Variants in CPQ observed in about 807,000 individuals in gnomAD.
CPQ encodes the protein Ser-Met dipeptidase.
Under a neutral mutation model 45.7 loss-of-function variants are expected in CPQ, and 37 were observed. That is an observed-to-expected ratio of 0.81 (90% CI 0.62 to 1.07). CPQ has a LOEUF of 1.07. CPQ is among the 50% of genes least tolerant of loss of function. CPQ has a pLI of 0.00. For missense variants in CPQ, 537 were observed against 572.9 expected (o/e 0.94, Z 0.64); for synonymous variants, 186 against 205.8 (o/e 0.90, Z 0.82).
Position 96,652,515 on chromosome 8 carries a change from A to T in CPQ, c.-35+7113A>T, listed in dbSNP as rs574848927. On this transcript the variant is annotated intron_variant, in intron 1 of 7. Coordinates refer to ENST00000220763, the MANE Select transcript of CPQ (RefSeq NM_016134.4). ...AGAAGTGGGATTGGTGGATCATATG[A>T]TAGTTCTATCTTTAGTTTTTTTGAG... Among the ~76,000 whole-genome samples the T allele has an allele frequency of 2.0e-5, 3 of 152,298 alleles. 1 individual carries two copies. The highest frequency in any genetic ancestry group is 4.8e-5 in the African/African-American group (2 of 41,566).
intron 5 of CPQ, among the ~76,000 whole-genome samples, chr8:96,989,865 A>C (rs890814623): frequency 1.3e-5 from 2 of 152,122 alleles, no homozygotes; most frequent in Non-Finnish European, 2.9e-5. Context: ...ATGATTGTTC[A>C]TGTGAATAAA....
At chr8:97,076,663 T>C (rs1467680813) in intron 7 of CPQ, among the ~76,000 whole-genome samples, 1 of 152,204 alleles carries the variant, frequency 6.6e-6, no homozygotes, top group Non-Finnish European at 1.5e-5. Flanking sequence ...TCCTGTGGAT[T>C]GAGTTAAATC....
At chr8:97,033,915 A>G (rs1471010922) in intron 6 of CPQ, among the ~76,000 whole-genome samples, 1 of 152,166 alleles carries the variant, frequency 6.6e-6, no homozygotes, top group Non-Finnish European at 1.5e-5. Context: ...TATATGCAGA[A>G]AATATAAAAT....
intron 4 of CPQ, among the ~76,000 whole-genome samples, chr8:96,902,707 C>T (rs1812528999): frequency 6.6e-6 from 1 of 152,178 alleles, no homozygotes; most frequent in Non-Finnish European, 1.5e-5. Context: ...CTTCTTGCCA[C>T]TTCAGGACTT....
In CPQ at chr8:96,854,555, A is replaced by AAAAC. The variant is rs1554573241; in HGVS notation, c.641+19378_641+19379insCAAA. ...CAAAAAAAAAAAAAAAAAAAAAAAAAAAAATGTGGTGGAACTAAAAGCCCA... is the reference window on the plus strand; with the variant it reads ...CAAAAAAAAAAAAAAAAAAAAAAAAAAAACAAAATGTGGTGGAACTAAAAGCCCA... On this transcript the variant is annotated intron_variant, in intron 3 of 7. Transcript: ENST00000220763. Among the ~76,000 whole-genome samples the AAAAC allele has an allele frequency of 5.1e-4, 29 of 56,474 alleles. 7 individuals are homozygous for AAAAC. The highest frequency in any genetic ancestry group is 0.012 in the Middle Eastern group (1 of 82). 37.0% of individuals were successfully genotyped at this position (56,474 alleles called of 152,430 possible).
intron 4 of CPQ, among the ~76,000 whole-genome samples, chr8:96,933,746 C>G (rs536286424): frequency 9.2e-5 from 14 of 152,172 alleles, no homozygotes; most frequent in African/African-American, 3.4e-4. Context: ...CTTTAAGTTT[C>G]CTGCTGCTTG....
At chr8:97,062,039 T>G (rs1384137814) in intron 6 of CPQ, among the ~76,000 whole-genome samples, 1 of 152,172 alleles carries the variant, frequency 6.6e-6, no homozygotes, top group Non-Finnish European at 1.5e-5. Context: ...CTATTCTCTA[T>G]GTTCCTGTCA....
At chr8:96,984,324 T>C (rs1813964829) in intron 5 of CPQ, among the ~76,000 whole-genome samples, 1 of 152,154 alleles carries the variant, frequency 6.6e-6, no homozygotes, top group Non-Finnish European at 1.5e-5. Flanking sequence ...AAGTTTCCTA[T>C]GTTGGAAATG....
chr8:97,119,136 C>T (rs1187434117), intron 7 of CPQ, among the ~76,000 whole-genome samples: 1 of 151,986 alleles, frequency 6.6e-6, no homozygotes, highest in Non-Finnish European at 1.5e-5. Flanking sequence ...AAAGACCAGC[C>T]TGGCCAACAT....
At chr8:96,817,343 A>T (rs1245657201) in intron 2 of CPQ, among the ~76,000 whole-genome samples, 7 of 152,174 alleles carry the variant, frequency 4.6e-5, no homozygotes, top group Admixed American at 3.9e-4. Context: ...TATGATAGTA[A>T]ATCAGAACTC....
Position 96,680,765 on chromosome 8 carries a change from G to A in CPQ, c.-35+35363G>A, listed in dbSNP as rs530597985. 6.6e-5 allele frequency among the ~76,000 whole-genome samples: 10 copies of A among 152,252 alleles called. No individual in the cohort carries two copies. In the South Asian group the frequency reaches 1.7e-3, roughly 25 times the overall value. The stretch of plus-strand genomic sequence containing the variant: ...AGAAGATAGGAAAGTGTGGGAAAGT[G>A]TGGAACTCCCTAGAGACTTGTTGAA... On this transcript the variant is annotated intron_variant, in intron 1 of 7. Transcript: ENST00000220763.
chr8:96,782,805 C>A (rs1810706319), intron 1 of CPQ, among the ~76,000 whole-genome samples: 1 of 152,170 alleles, frequency 6.6e-6, no homozygotes. Flanking sequence ...GAAATTTCTT[C>A]CATCAGATAT....
intron 4 of CPQ, among the ~76,000 whole-genome samples, chr8:96,904,228 CCT>C (rs35949593): frequency 0.72 from 108,855 of 151,886 alleles, 39,837 homozygotes; most frequent in African/African-American, 0.87. Context: ...CCCAACATTT[CCT>C]CTCCTCAGTT....
At chr8:96,709,796 G>C (rs1346180541) in intron 1 of CPQ, among the ~76,000 whole-genome samples, 1 of 152,126 alleles carries the variant, frequency 6.6e-6, no homozygotes, top group Non-Finnish European at 1.5e-5. Context: ...GTACTTTGTT[G>C]AGGATTTTTG....
intron 4 of CPQ, among the ~76,000 whole-genome samples, chr8:96,889,202 G>A (rs947481525): frequency 1.3e-5 from 2 of 152,152 alleles, no homozygotes; most frequent in Admixed American, 1.3e-4. Flanking sequence ...TTTTAGCAGT[G>A]GATTTTCATT....
chr8:96,750,194 GA>G, intron 1 of CPQ, among the ~76,000 whole-genome samples: 1 of 151,578 alleles, frequency 6.6e-6, no homozygotes, highest in African/African-American at 2.4e-5. Context: ...GTCAATGAGA[GA>G]TTTTTTTTAG....
intron 1 of CPQ, among the ~76,000 whole-genome samples, chr8:96,737,557 C>A (rs534029167): frequency 6.6e-6 from 1 of 151,842 alleles, no homozygotes; most frequent in African/African-American, 2.4e-5. Context: ...ACCTTTTTCA[C>A]GTTTTTCTGC....
chr8:96,880,179 C>G (rs1241154332), intron 4 of CPQ, among the ~76,000 whole-genome samples, 174 bp downstream of exon 4: 1 of 152,044 alleles, frequency 6.6e-6, no homozygotes, highest in East Asian at 1.9e-4. Flanking sequence ...TGTTTACCAT[C>G]TCACACCAGT....
intron 1 of CPQ, among the ~76,000 whole-genome samples, chr8:96,666,390 A>G (rs1029041310): frequency 6.6e-6 from 1 of 152,192 alleles, no homozygotes; most frequent in South Asian, 2.1e-4. Context: ...TTAAGAATAC[A>G]GAAAATAAGA....
Sources: gnomAD v4.1 joint callset for allele counts (sites outside exome capture counted in the v4.1 genomes callset) on GRCh38, gnomAD v4.1.1 for gene constraint, MANE v1.5 for transcripts, NCBI Gene and HGNC (gene_info 2026-07-23, HGNC 2026-07-21) for gene names.